DOCK1: variants seen among roughly 807,000 people sequenced by gnomAD.
The protein encoded by DOCK1 is dedicator of cytokinesis 1.
DOCK1 carries 138 observed loss-of-function variants against 262.7 expected under a neutral mutation model. The ratio of observed to expected loss-of-function variants is 0.53; its 90% confidence interval spans 0.46 to 0.61. The LOEUF is 0.61. Ranked by LOEUF, DOCK1 falls within the 20% of genes least tolerant of loss-of-function variation. The pLI, the probability that DOCK1 is intolerant of heterozygous loss-of-function variation, is 0.00. For missense variants in DOCK1, 1,908 were observed against 2,370.7 expected, an observed-to-expected ratio of 0.80 and a Z score of 4.05; for synonymous variants, 866 against 867.4, an observed-to-expected ratio of 1.00 and a Z score of 0.03.
At chr10:126,951,978 T>C (rs2036291676) in intron 1 of DOCK1, among the ~76,000 whole-genome samples, 1 of 151,742 alleles carries the variant, frequency 6.6e-6, no homozygotes, top group Non-Finnish European at 1.5e-5. Context: ...GACTCCTGAG[T>C]AGCTGGGACT....
intron 27 of DOCK1, among the ~76,000 whole-genome samples, chr10:127,162,468 A>C (rs1305842859): frequency 1.3e-5 from 2 of 152,178 alleles, no homozygotes; most frequent in African/African-American, 4.8e-5. Flanking sequence ...TTACTTAGCA[A>C]TGATGTTTGG....
chr10:127,234,995 ATAAT>A (rs2058995317), intron 27 of DOCK1, among the ~76,000 whole-genome samples: 1 of 148,316 alleles, frequency 6.7e-6, no homozygotes, highest in Non-Finnish European at 1.5e-5. Flanking sequence ...TTATACATAT[ATAAT>A]AAATACATAT....
At chr10:127,005,262 G>A (rs1053627423) in intron 10 of DOCK1, among the ~76,000 whole-genome samples, 2 of 152,044 alleles carry the variant, frequency 1.3e-5, no homozygotes, top group Non-Finnish European at 2.9e-5. Flanking sequence ...AGCTTGGGAG[G>A]TTGAGGTTGC....
intron 21 of DOCK1, among the ~76,000 whole-genome samples, chr10:127,052,052 G>A (rs2044757223): frequency 6.6e-6 from 1 of 152,150 alleles, no homozygotes; most frequent in South Asian, 2.1e-4. Flanking sequence ...TGTTTTACCT[G>A]TGGAAGTCCT....
At chr10:126,987,844 C>G (rs567697639) in intron 5 of DOCK1, among the ~76,000 whole-genome samples, 1 of 152,064 alleles carries the variant, frequency 6.6e-6, no homozygotes, top group Non-Finnish European at 1.5e-5. Context: ...TTACAGTGAG[C>G]TGTAGCAGAA....
intron 1 of DOCK1, among the ~76,000 whole-genome samples, chr10:126,955,643 C>A (rs1464093911): frequency 1.3e-5 from 2 of 152,042 alleles, no homozygotes; most frequent in African/African-American, 4.8e-5. Context: ...AGATCTGGGG[C>A]AGAGTAGCTC....
intron 29 of DOCK1, among the ~76,000 whole-genome samples, chr10:127,334,040 T>A (rs1326984962): frequency 6.6e-6 from 1 of 152,234 alleles, no homozygotes; most frequent in South Asian, 2.1e-4. Flanking sequence ...TTAACATTTT[T>A]AAAATTCTAT....
At chr10:127,441,629 TGCGGGGGAGGA>T (rs2070144572) in intron 49 of DOCK1, among the ~76,000 whole-genome samples, 1 of 151,306 alleles carries the variant, frequency 6.6e-6, no homozygotes, top group African/African-American at 2.4e-5. Flanking sequence ...GGAGGGGAGG[TGCGGGGGAGGA>T]GGTTCACAGG....
chr10:127,405,626 G>A (rs997089902), intron 40 of DOCK1, among the ~76,000 whole-genome samples: 1 of 152,060 alleles, frequency 6.6e-6, no homozygotes, highest in Non-Finnish European at 1.5e-5. Flanking sequence ...CCGACTCCAC[G>A]GGAGTCACTA....
chr10:127,274,382 A>G (rs2060671022), intron 29 of DOCK1, among the ~76,000 whole-genome samples: 1 of 152,220 alleles, frequency 6.6e-6, no homozygotes, highest in Non-Finnish European at 1.5e-5. Context: ...TGGAAACTTT[A>G]AAACAGAGCA....
At chr10:127,105,568 C>G (rs528334467) in intron 23 of DOCK1, among the ~76,000 whole-genome samples, 1 of 152,184 alleles carries the variant, frequency 6.6e-6, no homozygotes, top group East Asian at 1.9e-4. Context: ...CTGAGGGGGA[C>G]AGGTCTTCAT....
intron 25 of DOCK1, among the ~76,000 whole-genome samples, chr10:127,119,284 T>C (rs1290244275): frequency 6.6e-6 from 1 of 152,170 alleles, no homozygotes; most frequent in Non-Finnish European, 1.5e-5. Context: ...CCTGACCTCA[T>C]GGTCCTCCTG....
At chr10:127,340,941 AT>A (rs2063399330) in intron 30 of DOCK1, among the ~76,000 whole-genome samples, 1 of 152,098 alleles carries the variant, frequency 6.6e-6, no homozygotes, top group Non-Finnish European at 1.5e-5. Context: ...ATATAGAAAT[AT>A]TTCATTTTTC....
intron 27 of DOCK1, among the ~76,000 whole-genome samples, chr10:127,223,645 A>T (rs918440152): frequency 6.6e-6 from 1 of 152,242 alleles, no homozygotes; most frequent in Non-Finnish European, 1.5e-5. Flanking sequence ...ATTTTGAATA[A>T]GGGATACTCC....
chr10:126,917,400 C>G (rs1004675398), intron 1 of DOCK1, among the ~76,000 whole-genome samples: 6 of 152,174 alleles, frequency 3.9e-5, no homozygotes, highest in Non-Finnish European at 8.8e-5. Flanking sequence ...GTCATTCATT[C>G]TGGTTCTCTG....
chr10:127,217,676 G>T (rs1258393973), intron 27 of DOCK1, among the ~76,000 whole-genome samples: 1 of 152,138 alleles, frequency 6.6e-6, no homozygotes, highest in Non-Finnish European at 1.5e-5. Flanking sequence ...TGAAGAATAA[G>T]GTTGTCTATA....
At chr10:126,905,608 C>T in intron 1 of DOCK1, 45 bp downstream of exon 1, 1 of 307,712 alleles carries the variant, frequency 3.2e-6, no homozygotes, top group Non-Finnish European at 6.0e-6. Flanking sequence ...CAAGCCCAGG[C>T]TCCGGCGGGG....
rs542258667 is a variant in DOCK1 at position 127,422,291 on chromosome 10, C to T, written c.4776+2542C>T. The stretch of plus-strand genomic sequence containing the variant: ...AAGCGATTCTCCTGCCTCGGCCTCC[C>T]GAGTAGCTGGGACTACAGATGTGTG... On this transcript the variant is annotated intron_variant, in intron 46 of 51. Transcript: ENST00000623213. Among the ~76,000 whole-genome samples the T allele has an allele frequency of 7.3e-5, 11 of 150,836 alleles. No homozygotes were observed. In the East Asian group the frequency reaches 1.2e-3, roughly 16 times the overall value.
chr10:127,245,727 A>G (rs570603060), intron 27 of DOCK1, among the ~76,000 whole-genome samples: 6 of 152,290 alleles, frequency 3.9e-5, no homozygotes, highest in African/African-American at 1.4e-4. Flanking sequence ...GTTTCTCATT[A>G]GTGTTACTCT....
Sources: allele counts gnomAD v4.1 joint callset (sites outside exome capture counted in the v4.1 genomes callset), GRCh38; gene constraint gnomAD v4.1.1; transcripts MANE v1.5; gene names NCBI Gene and HGNC (gene_info 2026-07-23, HGNC 2026-07-21).